TRPM3: variants seen among roughly 807,000 people sequenced by gnomAD.
The protein encoded by TRPM3 is transient receptor potential cation channel subfamily M member 3.
Under a neutral mutation model 181.2 loss-of-function variants are expected in TRPM3, and 77 were observed. That is an observed-to-expected ratio of 0.42 (90% CI 0.35 to 0.51). The LOEUF is 0.51. Ranked by LOEUF, TRPM3 falls within the 20% of genes least tolerant of loss-of-function variation. The pLI is 0.01. For synonymous variants in TRPM3, 745 were observed against 796.4 expected, an observed-to-expected ratio of 0.94 and a Z score of 1.09; for missense variants, 1,759 against 2,196.7, an observed-to-expected ratio of 0.80 and a Z score of 3.98.
intron 1 of TRPM3, among the ~76,000 whole-genome samples, chr9:71,345,327 C>T (rs1476719856): frequency 6.6e-6 from 1 of 152,134 alleles, no homozygotes; most frequent in African/African-American, 2.4e-5. Context: ...ATAGCAAAGA[C>T]TTGGAACCAA....
chr9:71,007,835 T>C lies in TRPM3; in HGVS notation c.177+113343A>G, dbSNP rs75250212. ...TGCCTATATCTAAAAAATAGGGAGA[T>C]AAATACACAACCTAATGTTATGCCT... On this transcript the variant is annotated intron_variant, in intron 1 of 25. Transcript: ENST00000677713. Among the ~76,000 whole-genome samples the C allele has an allele frequency of 5.7e-3, 863 of 152,110 alleles. 22 individuals carry two copies. In the East Asian group the frequency reaches 0.096, roughly 17 times the overall value.
chr9:71,184,093 GC>G lies in TRPM3; in HGVS notation c.183+262559del, dbSNP rs2077546283. 2.0e-5 allele frequency among the ~76,000 whole-genome samples: 3 copies of G among 152,204 alleles called. No homozygotes were observed. The South Asian group carries it at 6.2e-4, about 32-fold the overall frequency. ...CCAGACAGGCAGCCAGATTTTTAAT[GC>G]AAATCTCCAGACACCACCATTAGGG... On this transcript the variant is annotated intron_variant, in intron 1 of 24. Coordinates refer to the TRPM3 transcript ENST00000357533.
At chr9:70,998,831 G>T (rs976756517) in intron 1 of TRPM3, among the ~76,000 whole-genome samples, 1 of 152,076 alleles carries the variant, frequency 6.6e-6, no homozygotes, top group Non-Finnish European at 1.5e-5. Context: ...CTGCATTTAC[G>T]TTTATTTTGT....
chr9:71,205,593 G>A (rs2079076551), intron 1 of TRPM3, among the ~76,000 whole-genome samples: 1 of 152,104 alleles, frequency 6.6e-6, no homozygotes. Flanking sequence ...CACATTAGGG[G>A]TAGTTTGAGG....
At chr9:71,167,467 A>G (rs2076595549) in intron 1 of TRPM3, among the ~76,000 whole-genome samples, 1 of 152,202 alleles carries the variant, frequency 6.6e-6, no homozygotes, top group African/African-American at 2.4e-5. Context: ...ACAACAACAT[A>G]TCACACCCTT....
chr9:70,674,565 T>TA (rs1461741332), intron 9 of TRPM3, among the ~76,000 whole-genome samples: 33 of 151,350 alleles, frequency 2.2e-4, no homozygotes, highest in African/African-American at 7.8e-4. Flanking sequence ...TATATATAAT[T>TA]TTTTTTTTGA....
intron 1 of TRPM3, among the ~76,000 whole-genome samples, chr9:71,427,580 T>TA (rs1390447437): frequency 6.6e-6 from 1 of 152,170 alleles, no homozygotes; most frequent in South Asian, 2.1e-4. Flanking sequence ...TATGCAGGCA[T>TA]AAAAAAGAAC....
chr9:70,770,894 A>G lies in TRPM3; in HGVS notation c.1149-9170T>C, dbSNP rs868146406. Among the ~76,000 whole-genome samples, 10 of 152,294 alleles carry G rather than the reference A, an allele frequency of 6.6e-5. No homozygotes were observed. In the Middle Eastern group the frequency reaches 0.017, roughly 259 times the overall value. On this transcript the variant is annotated intron_variant, in intron 7 of 25. Coordinates refer to ENST00000677713, the MANE Select transcript of TRPM3 (RefSeq NM_001366145.2). Reference sequence around the variant, plus strand: ...CTGAAGCAAGGTAACCGGCATGCATATTAGCTGGAGGAGTCCATCCCTATG... The same window carrying G: ...CTGAAGCAAGGTAACCGGCATGCATGTTAGCTGGAGGAGTCCATCCCTATG...
intron 22 of TRPM3, among the ~76,000 whole-genome samples, chr9:70,587,568 T>A (rs2057355203): frequency 6.6e-6 from 1 of 152,214 alleles, no homozygotes; most frequent in South Asian, 2.1e-4. Flanking sequence ...GGCCTTGGCA[T>A]GAAATGCTGC....
chr9:70,862,183 G>C (rs187548729), intron 3 of TRPM3, among the ~76,000 whole-genome samples: 42 of 152,214 alleles, frequency 2.8e-4, no homozygotes, highest in African/African-American at 9.9e-4. Context: ...ACAGTTAGAA[G>C]CAAGCTTGTT....
intron 1 of TRPM3, among the ~76,000 whole-genome samples, chr9:71,146,669 C>T (rs557262728): frequency 6.6e-6 from 1 of 152,220 alleles, no homozygotes; most frequent in African/African-American, 2.4e-5. Context: ...ACACTCAGCA[C>T]CTGACTTATA....
chr9:71,042,460 T>C (rs1227158864), intron 1 of TRPM3, among the ~76,000 whole-genome samples: 2 of 152,234 alleles, frequency 1.3e-5, no homozygotes, highest in Non-Finnish European at 2.9e-5. Flanking sequence ...ATGTATCTTG[T>C]ATTTGTTTCC....
At position 70,975,678 on chromosome 9, in the gene TRPM3, T is replaced by A. The variant is rs542470322; in HGVS notation, c.178-111167A>T. Reference sequence around the variant, plus strand: ...GGTTAAAGATTTGCATTCTGAGGTGTTAGAGTCACCTAGGGGCTCACCCCA... The same window carrying A: ...GGTTAAAGATTTGCATTCTGAGGTGATAGAGTCACCTAGGGGCTCACCCCA... On this transcript the variant is annotated intron_variant, in intron 1 of 25. Coordinates refer to ENST00000677713, the MANE Select transcript of TRPM3 (RefSeq NM_001366145.2). Among the ~76,000 whole-genome samples the A allele has an allele frequency of 3.3e-5, 5 of 152,318 alleles. No individual in the cohort carries two copies. In the South Asian group the frequency reaches 1.0e-3, roughly 32 times the overall value.
chr9:70,786,546 T>G (rs2083681217), intron 6 of TRPM3, among the ~76,000 whole-genome samples: 1 of 152,160 alleles, frequency 6.6e-6, no homozygotes, highest in Non-Finnish European at 1.5e-5. Flanking sequence ...ACACAACATT[T>G]CTCTTTGGGA....
At chr9:70,834,343 C>T (rs1246843856) in intron 5 of TRPM3, among the ~76,000 whole-genome samples, 2 of 152,198 alleles carry the variant, frequency 1.3e-5, no homozygotes, top group Non-Finnish European at 2.9e-5. Flanking sequence ...GACTTGCTCC[C>T]TTTGCCCAGT....
At chr9:70,986,424 TA>T (rs1227595811) in intron 1 of TRPM3, among the ~76,000 whole-genome samples, 3 of 152,190 alleles carry the variant, frequency 2.0e-5, no homozygotes, top group Non-Finnish European at 1.5e-5. Flanking sequence ...TATACTTTAA[TA>T]AATATGCAAA....
intron 1 of TRPM3, among the ~76,000 whole-genome samples, chr9:71,445,721 T>A (rs1382245968): frequency 2.6e-5 from 4 of 152,198 alleles, no homozygotes; most frequent in Non-Finnish European, 5.9e-5. Context: ...TCTCTTTTAA[T>A]TAAATCAAAG....
At chr9:70,968,852 A>C (rs1001300760) in intron 1 of TRPM3, among the ~76,000 whole-genome samples, 1 of 152,184 alleles carries the variant, frequency 6.6e-6, no homozygotes, top group Admixed American at 6.5e-5. Flanking sequence ...ACCTTATACA[A>C]AAATCAACTC....
At chr9:71,076,663 T>C (rs905107246) in intron 1 of TRPM3, among the ~76,000 whole-genome samples, 1 of 152,152 alleles carries the variant, frequency 6.6e-6, no homozygotes, top group African/African-American at 2.4e-5. Flanking sequence ...GGAGAAAAGC[T>C]GGGGAAAAGC....
Sources: gnomAD v4.1 joint callset for allele counts (sites outside exome capture counted in the v4.1 genomes callset) on GRCh38, gnomAD v4.1.1 for gene constraint, MANE v1.5 for transcripts, NCBI Gene and HGNC (gene_info 2026-07-23, HGNC 2026-07-21) for gene names.